PATJ: variants seen among roughly 807,000 people sequenced by gnomAD.
The protein encoded by PATJ is PATJ crumbs cell polarity complex component.
Under a neutral mutation model 224.9 loss-of-function variants are expected in PATJ, and 190 were observed. That is an observed-to-expected ratio of 0.84 (90% confidence interval 0.75 to 0.95). PATJ has a LOEUF of 0.95. PATJ is among the 40% of genes least tolerant of loss of function. The pLI is 0.00. For missense variants in PATJ, 2,121 were observed against 2,270.3 expected (o/e 0.93, Z 1.34); for synonymous variants, 769 against 820.3 (o/e 0.94, Z 1.07).
rs1488325680 is a variant in PATJ at position 62,163,612 on chromosome 1, T to TA, written c.*2559dup. 1 of 152,630 alleles carries TA rather than the reference T, an allele frequency of 6.6e-6. No homozygotes were observed. The highest frequency in any genetic ancestry group is 1.5e-5 in the Non-Finnish European group (1 of 68,032). 9.5% of individuals were successfully genotyped at this position (152,630 alleles called of 1,614,324 possible). ...TATACTTCTTACTGCACTAAATTGATAGAACTAGTACTTGTCATAATCGGT... is the reference window on the plus strand; with the variant it reads ...TATACTTCTTACTGCACTAAATTGATAAGAACTAGTACTTGTCATAATCGGT... On this transcript the variant is annotated 3_prime_UTR_variant, in exon 44 of 44. Transcript: ENST00000642238.
At chr1:61,820,006 ATTTATT>A (rs949620847) in intron 14 of PATJ, among the ~76,000 whole-genome samples, 16 of 152,276 alleles carry the variant, frequency 1.1e-4, no homozygotes, top group East Asian at 7.7e-4. Flanking sequence ...TACTTGTTAC[ATTTATT>A]TTTATTTTTA....
Position 61,939,676 on chromosome 1 carries a change from C to CTTTTTTTTTTTTTTT in PATJ, c.3670+11859_3670+11873dup, listed in dbSNP as rs71050183. Among the ~76,000 whole-genome samples the CTTTTTTTTTTTTTTT allele has an allele frequency of 6.8e-5, 4 of 58,874 alleles. 1 individual carries two copies. The highest frequency in any genetic ancestry group is 3.7e-4 in the African/African-American group (4 of 10,670). The allele number at this position is 58,874 out of a possible 152,430, so 38.6% of individuals were successfully genotyped here. ...AGCATGTATAAAAAGTTTCTATGTG[C>CTTTTTTTTTTTTTTT]TTTTTTTTTTTTTTTTTTTTTTTTT... On this transcript the variant is annotated intron_variant, in intron 27 of 43. Coordinates refer to ENST00000642238, the MANE Select transcript of PATJ (RefSeq NM_001350145.3).
At chr1:61,862,992 TA>T (rs1047239043) in intron 19 of PATJ, among the ~76,000 whole-genome samples, 53 of 141,616 alleles carry the variant, frequency 3.7e-4, no homozygotes, top group African/African-American at 6.4e-4. Context: ...CTAACCACAT[TA>T]AAAAAAAAAT....
chr1:62,037,219 AT>A (rs1390464696), intron 29 of PATJ, among the ~76,000 whole-genome samples: 1 of 152,194 alleles, frequency 6.6e-6, no homozygotes, highest in Non-Finnish European at 1.5e-5. Context: ...TGAGATAATT[AT>A]GTTGGTTGTG....
At chr1:62,118,822 G>A (rs941740455) in intron 37 of PATJ, among the ~76,000 whole-genome samples, 7 of 151,926 alleles carry the variant, frequency 4.6e-5, no homozygotes, top group Admixed American at 3.3e-4. Flanking sequence ...TAGACACGGG[G>A]TTTCAAAACA....
At chr1:61,950,652 C>G (rs1055759506) in intron 27 of PATJ, among the ~76,000 whole-genome samples, 13 of 152,272 alleles carry the variant, frequency 8.5e-5, no homozygotes, top group Non-Finnish European at 1.8e-4. Flanking sequence ...TCACGTCAAA[C>G]TGTGTTTAAC....
rs1660048732 is a variant in PATJ at position 62,086,814 on chromosome 1, GA to G, written c.4377+2167del. 6.6e-6 allele frequency among the ~76,000 whole-genome samples: 1 copy of G among 152,188 alleles called. No individual in the cohort carries two copies. The highest frequency in any genetic ancestry group is 6.5e-5 in the Admixed American group (1 of 15,280). The stretch of plus-strand genomic sequence containing the variant: ...GCCTCGCTCAGCCTGTTGTAGGATG[GA>G]GTTCATGAGAGAGCGAGTGCAGGAC... On this transcript the variant is annotated intron_variant, in intron 33 of 43. Coordinates refer to ENST00000642238, the MANE Select transcript of PATJ (RefSeq NM_001350145.3). This position sits in a 1 kb window ranked among gnomAD's most constrained non-coding sequence, Gnocchi z 4.0.
chr1:61,744,226 G>A (rs1413193741), intron 1 of PATJ, among the ~76,000 whole-genome samples: 1 of 137,494 alleles, frequency 7.3e-6, no homozygotes, highest in African/African-American at 2.7e-5. Context: ...GGAGGCTGTG[G>A]TGAGTGGTGT....
At chr1:61,769,182 T>C in intron 4 of PATJ, 101 bp from the exon 5 acceptor site, 1 of 1,115,324 alleles carries the variant, frequency 9.0e-7, no homozygotes, top group Non-Finnish European at 1.3e-6. Flanking sequence ...ATGTGGTTCT[T>C]AGGGGAAGCT....
chr1:61,864,696 T>A, intron 20 of PATJ, 63 bp downstream of exon 20: 1 of 1,421,074 alleles, frequency 7.0e-7, no homozygotes, highest in Non-Finnish European at 9.5e-7. Context: ...TCCCTGTCTC[T>A]AACTCATGTC....
At chr1:62,006,931 T>C (rs1361929307) in intron 28 of PATJ, among the ~76,000 whole-genome samples, 1 of 152,196 alleles carries the variant, frequency 6.6e-6, no homozygotes, top group African/African-American at 2.4e-5. Context: ...AAGGCTATTG[T>C]TCCCAGGCTA....
intron 27 of PATJ, among the ~76,000 whole-genome samples, chr1:61,979,716 G>A (rs1429842578): frequency 6.6e-6 from 1 of 151,692 alleles, no homozygotes; most frequent in East Asian, 1.9e-4. Flanking sequence ...ATACACAGGA[G>A]CCTTCATAAG....
In PATJ at chr1:62,114,544, A is replaced by G. The variant is rs151131885; in HGVS notation, c.4655+298A>G. 422 of 248,898 alleles carry G rather than the reference A, an allele frequency of 1.7e-3. 2 individuals are homozygous for G. The highest frequency in any genetic ancestry group is 8.4e-3 in the African/African-American group (368 of 43,972). The allele number at this position is 248,898 out of a possible 1,614,324, so 15.4% of individuals were successfully genotyped here. Reference sequence around the variant, plus strand: ...TAAGATCGGAGTTTTGCAGAGGTTGATTAAAGCAACCATACCCAAGAAATA... The same window carrying G: ...TAAGATCGGAGTTTTGCAGAGGTTGGTTAAAGCAACCATACCCAAGAAATA... On this transcript the variant is annotated intron_variant, in intron 35 of 43. Coordinates refer to ENST00000642238, the MANE Select transcript of PATJ (RefSeq NM_001350145.3).
chr1:61,765,465 C>T (rs1240061026), intron 3 of PATJ, among the ~76,000 whole-genome samples: 1 of 151,746 alleles, frequency 6.6e-6, no homozygotes, highest in African/African-American at 2.4e-5. Flanking sequence ...CTCACTGTAG[C>T]CTCCACCTGC....
At chr1:62,104,825 C>T (rs764222387) in intron 33 of PATJ, among the ~76,000 whole-genome samples, 1 of 152,040 alleles carries the variant, frequency 6.6e-6, no homozygotes, top group Non-Finnish European at 1.5e-5. Flanking sequence ...GCACGTGCCA[C>T]CATGCCTGGC....
At chr1:61,847,989 C>T (rs1006123501) in intron 17 of PATJ, among the ~76,000 whole-genome samples, 5 of 152,152 alleles carry the variant, frequency 3.3e-5, no homozygotes, top group African/African-American at 1.2e-4. Flanking sequence ...CCAAAATGTA[C>T]ATCAATTTCA....
At chr1:62,127,062 G>A (rs556196557) in intron 39 of PATJ, among the ~76,000 whole-genome samples, 1 of 140,552 alleles carries the variant, frequency 7.1e-6, no homozygotes, top group Non-Finnish European at 1.5e-5. Flanking sequence ...TTCAGGAATG[G>A]GAATATGCGG....
At chr1:62,034,933 CT>C (rs572589945) in intron 29 of PATJ, among the ~76,000 whole-genome samples, 15 of 152,098 alleles carry the variant, frequency 9.9e-5, no homozygotes, top group Non-Finnish European at 2.1e-4. Flanking sequence ...TGCCGGTAAC[CT>C]TTGAAAGAGA....
intron 22 of PATJ, 81 bp downstream of exon 22, chr1:61,884,489 G>A: frequency 1.0e-6 from 1 of 954,588 alleles, no homozygotes; most frequent in South Asian, 2.4e-5. Flanking sequence ...AAAAATGCGT[G>A]ATTTTGGTAG....
Sources: gnomAD v4.1 joint callset for allele counts (sites outside exome capture counted in the v4.1 genomes callset) on GRCh38, gnomAD v4.1.1 for gene constraint, Gnocchi (gnomAD v3.1) non-coding constraint, MANE v1.5 for transcripts, NCBI Gene and HGNC (gene_info 2026-07-23, HGNC 2026-07-21) for gene names.